The following CPXM2 variants were observed in gnomAD, a reference collection of about 807,000 sequenced individuals.
CPXM2 encodes inactive carboxypeptidase-like protein X2.
Under a neutral mutation model 86.1 loss-of-function variants are expected in CPXM2, and 66 were observed. The observed-to-expected ratio is 0.77, with a 90% confidence interval of 0.63 to 0.94. The LOEUF (loss-of-function observed/expected upper bound fraction) is 0.94, where lower values mean the gene tolerates loss of function less well. CPXM2 is among the 40% of genes least tolerant of loss of function. The pLI, the probability that CPXM2 is intolerant of heterozygous loss-of-function variation, is 0.00. For missense variants in CPXM2, 948 were observed against 1,026.3 expected, an observed-to-expected ratio of 0.92 and a Z score of 1.04; for synonymous variants, 388 against 400.2, an observed-to-expected ratio of 0.97 and a Z score of 0.36.
intron 11 of CPXM2, among the ~76,000 whole-genome samples, chr10:123,759,133 GTCAATGGAAAATCCC>G (rs1846278756): frequency 6.6e-6 from 1 of 152,196 alleles, no homozygotes; most frequent in Non-Finnish European, 1.5e-5. Context: ...ACAGAGCCAA[GTCAATGGAAAATCCC>G]TCACATGGGC....
chr10:123,870,456 G>A (rs1944874269), intron 2 of CPXM2, among the ~76,000 whole-genome samples: 1 of 152,198 alleles, frequency 6.6e-6, no homozygotes, highest in African/African-American at 2.4e-5. Context: ...TGCTTTCATT[G>A]TCGCCTATAA....
intron 3 of CPXM2, among the ~76,000 whole-genome samples, chr10:123,846,713 C>G (rs1304078608): frequency 6.6e-6 from 1 of 152,138 alleles, no homozygotes; most frequent in Non-Finnish European, 1.5e-5. Flanking sequence ...AGACCCAAGA[C>G]AGTAGACATG....
intron 4 of CPXM2, among the ~76,000 whole-genome samples, chr10:123,840,692 C>T (rs1848368094): frequency 6.6e-6 from 1 of 152,040 alleles, no homozygotes; most frequent in Non-Finnish European, 1.5e-5. Context: ...CGGAATCATG[C>T]ATAATGTTTT....
In CPXM2 at chr10:123,746,730, T is replaced by A. The variant is rs775166378; in HGVS notation, c.*34A>T. On this transcript the variant is annotated 3_prime_UTR_variant, in exon 14 of 14. Transcript: ENST00000241305. ...TACTACCAGGTTGGTTTAATTTGCA[T>A]GGGTCCCAGACGAGTCTCAAGGGCC... 1.9e-6 allele frequency: 3 copies of A among 1,607,118 alleles called. No individual in the cohort carries two copies. The South Asian group carries it at 3.3e-5, about 18-fold the overall frequency.
At chr10:123,933,688 AGCC>A (rs1564825854) in intron 2 of CPXM2, among the ~76,000 whole-genome samples, 1 of 152,144 alleles carries the variant, frequency 6.6e-6, no homozygotes, top group Non-Finnish European at 1.5e-5. Flanking sequence ...ACTGCACTCC[AGCC>A]TGGGCAACAG....
intron 3 of CPXM2, among the ~76,000 whole-genome samples, chr10:123,843,085 G>A (rs1848419479): frequency 6.6e-6 from 1 of 151,762 alleles, no homozygotes; most frequent in Admixed American, 6.6e-5. Flanking sequence ...GTCATTTGAT[G>A]TGTTCAGTAT....
At position 123,873,230 on chromosome 10, in the gene CPXM2, T is replaced by G. The variant is rs963276268; in HGVS notation, c.403+6981A>C. Among the ~76,000 whole-genome samples the G allele has an allele frequency of 3.4e-5, 5 of 146,862 alleles. No homozygotes were observed. The Admixed American group carries it at 3.4e-4, about 10-fold the overall frequency. ...TAAAAATCAACATTCAAAAATTAAC[T>G]ATACACCTGTAGTCTACCAATAAAG... On this transcript the variant is annotated intron_variant, in intron 2 of 13. Transcript: ENST00000241305.
At chr10:123,916,724 C>A (rs1310001409) in intron 2 of CPXM2, among the ~76,000 whole-genome samples, 1 of 152,104 alleles carries the variant, frequency 6.6e-6, no homozygotes, top group Admixed American at 6.5e-5. Context: ...TCTGAAGAAT[C>A]CTTTCATTCC....
At chr10:123,927,138 C>G (rs934454335) in intron 2 of CPXM2, among the ~76,000 whole-genome samples, 1 of 152,172 alleles carries the variant, frequency 6.6e-6, no homozygotes, top group Non-Finnish European at 1.5e-5. Flanking sequence ...CCACAGGGGT[C>G]CCCTCATGCA....
Position 123,785,502 on chromosome 10 carries a change from G to A in CPXM2, c.890-5247C>T, listed in dbSNP as rs930136624. Among the ~76,000 whole-genome samples, 15 of 152,116 alleles carry A rather than the reference G, an allele frequency of 9.9e-5. No homozygotes were observed. The East Asian group carries it at 1.2e-3, about 12-fold the overall frequency. On this transcript the variant is annotated intron_variant, in intron 6 of 13. Coordinates refer to ENST00000241305, the MANE Select transcript of CPXM2 (RefSeq NM_198148.3). ...GTCCTGGTTTTAAACAGAAAGTGTC[G>A]TGTCGTTGGAACCCCTCAGTCCCTG...
At chr10:123,826,545 A>G (rs1054645052) in intron 4 of CPXM2, among the ~76,000 whole-genome samples, 1 of 152,198 alleles carries the variant, frequency 6.6e-6, no homozygotes, top group African/African-American at 2.4e-5. Flanking sequence ...AGGATTACAC[A>G]AATTTAACCA....
intron 5 of CPXM2, among the ~76,000 whole-genome samples, 193 bp from the exon 6 acceptor site, chr10:123,798,319 G>C (rs891821581): frequency 1.3e-5 from 2 of 151,774 alleles, no homozygotes; most frequent in African/African-American, 4.8e-5. Context: ...CATCTAGTTG[G>C]TATGCAGGGA....
intron 11 of CPXM2, among the ~76,000 whole-genome samples, chr10:123,760,066 T>C (rs74161099): frequency 0.01 from 1,579 of 152,268 alleles, 9 homozygotes; most frequent in South Asian, 0.032. Flanking sequence ...GGAAGATGAA[T>C]GATTAAAAAG....
intron 1 of CPXM2, among the ~76,000 whole-genome samples, chr10:123,888,603 G>T (rs1276028215): frequency 6.6e-6 from 1 of 152,236 alleles, no homozygotes; most frequent in Non-Finnish European, 1.5e-5. Flanking sequence ...TTCTCCTAGT[G>T]TAGTTTAACT....
At chr10:123,869,988 G>C (rs898463049) in intron 2 of CPXM2, among the ~76,000 whole-genome samples, 1 of 152,154 alleles carries the variant, frequency 6.6e-6, no homozygotes, top group Non-Finnish European at 1.5e-5. Flanking sequence ...TGTCCAGGGG[G>C]TGGGGGGCCG....
upstream of CPXM2, among the ~76,000 whole-genome samples, chr10:123,892,835 T>G (rs141938109): frequency 9.0e-3 from 1,372 of 152,322 alleles, 22 homozygotes; most frequent in African/African-American, 0.032. Context: ...GCGCCTTTCC[T>G]CCTGCTGGCT....
intron 2 of CPXM2, among the ~76,000 whole-genome samples, chr10:123,926,791 A>G (rs1945624955): frequency 6.6e-6 from 1 of 152,240 alleles, no homozygotes; most frequent in Admixed American, 6.5e-5. Context: ...ACAGGAAGAC[A>G]AGACAGGGGA....
At position 123,885,619 on chromosome 10, in the gene CPXM2, A is replaced by G. The variant is rs961549030; in HGVS notation, c.305-5310T>C. ...TGGCTGCCAGCCAGATGTGGATGCC[A>G]GCCCTTCCAGTGGCCATCCAAAGAA... On this transcript the variant is annotated intron_variant, in intron 1 of 13. Coordinates refer to ENST00000241305, the MANE Select transcript of CPXM2 (RefSeq NM_198148.3). The surrounding 1 kb of genome is among the most constrained non-coding windows in gnomAD (Gnocchi z 4.0). Among the ~76,000 whole-genome samples, 1 of 152,210 alleles carries G rather than the reference A, an allele frequency of 6.6e-6. No homozygotes were observed. Among genetic ancestry groups the G allele is most frequent in the South Asian group, 2.1e-4 (1 of 4,834 alleles).
rs1590012324 is a variant in CPXM2 at position 123,798,129 on chromosome 10, A to T, written c.739-3T>A. 1 of 1,592,328 alleles carries T rather than the reference A, an allele frequency of 6.3e-7. No homozygotes were observed. Among genetic ancestry groups the T allele is most frequent in the Non-Finnish European group, 8.5e-7 (1 of 1,170,236 alleles). ...TTCTCACTGTTTCCCTCAAATATCT[A>T]TTTATGCTCATGGGAGAAAAGGAAA... On this transcript the variant is annotated splice_polypyrimidine_tract_variant and splice_region_variant and intron_variant, in intron 5 of 13. Coordinates refer to ENST00000241305, the MANE Select transcript of CPXM2 (RefSeq NM_198148.3).
Sources: allele counts gnomAD v4.1 joint callset (sites outside exome capture counted in the v4.1 genomes callset), GRCh38; gene constraint gnomAD v4.1.1; non-coding constraint Gnocchi (gnomAD v3.1); transcripts MANE v1.5; gene names NCBI Gene and HGNC (gene_info 2026-07-23, HGNC 2026-07-21).